Variants in AMBRA1 observed in about 807,000 individuals in gnomAD.
AMBRA1 encodes activating molecule in BECN1-regulated autophagy protein 1.
A neutral mutation model predicts 125.4 loss-of-function variants in AMBRA1; 47 were observed. The observed-to-expected ratio is 0.37, with a 90% CI of 0.30 to 0.48. The LOEUF (loss-of-function observed/expected upper bound fraction) is 0.48. Among genes scored for constraint, AMBRA1 ranks in the 20% least tolerant of loss-of-function variants. The probability of loss-of-function intolerance (pLI) is 0.99; values close to 1 mark genes in which losing one functional copy is unlikely to be tolerated. For synonymous variants in AMBRA1, 626 were observed against 655.5 expected (o/e 0.95, Z 0.69); for missense variants, 1,331 against 1,693.4 (o/e 0.79, Z 3.76).
Position 46,433,321 on chromosome 11 carries a change from G to T in AMBRA1, c.2976+153C>A, listed in dbSNP as rs117105335. Among the ~76,000 whole-genome samples, 113 of 152,332 alleles carry T rather than the reference G, an allele frequency of 7.4e-4. 2 individuals are homozygous for T. The East Asian group carries it at 0.02, about 28-fold the overall frequency. On this transcript the variant is annotated intron_variant, in intron 14 of 17. Coordinates refer to ENST00000683756, the MANE Select transcript of AMBRA1 (RefSeq NM_001387011.1). ...AGAGCTTCCACAAATGAAGCCTGCT[G>T]GTCATGGATGGGCTTGACTACAGCC...
At chr11:46,424,116 T>A (rs1792691379) in intron 14 of AMBRA1, among the ~76,000 whole-genome samples, 2 of 152,134 alleles carry the variant, frequency 1.3e-5, no homozygotes, top group Admixed American at 1.3e-4. Context: ...CAGCTTTGTT[T>A]GGAAATTTTT....
At chr11:46,401,645 G>C (rs1206286527) in intron 17 of AMBRA1, among the ~76,000 whole-genome samples, 2 of 152,176 alleles carry the variant, frequency 1.3e-5, no homozygotes, top group African/African-American at 4.8e-5. Context: ...CAGGCTCTGC[G>C]GGAGGCCCTG....
At chr11:46,441,270 T>C (rs1465090512) in intron 12 of AMBRA1, among the ~76,000 whole-genome samples, 1 of 151,982 alleles carries the variant, frequency 6.6e-6, no homozygotes, top group Non-Finnish European at 1.5e-5. Flanking sequence ...TCCCAGCACT[T>C]TGGGAGGCCG....
Position 46,543,387 on chromosome 11 carries a change from T to C in AMBRA1, c.630A>G (p.Glu210=). ...CTGTTCCATCTATGGGGATCTCTGG[T>C]TCGTCATCACCCTGCAACGTGGACC... The part of the protein sequence containing the change: ...VNPSNQQGDD[E]PEIPIDGTEL... Residue 210 remains glutamate, a synonymous_variant, in exon 7 of 18, where the codon GAA becomes GAG. Coordinates refer to ENST00000683756, the MANE Select transcript of AMBRA1 (RefSeq NM_001387011.1). The C allele has an allele frequency of 1.2e-6, 2 of 1,613,866 alleles. No individual in the cohort carries two copies. The highest frequency in any genetic ancestry group is 1.7e-6 in the Non-Finnish European group (2 of 1,179,906).
chr11:46,493,530 C>T, intron 11 of AMBRA1, 78 bp downstream of exon 11: 1 of 1,174,640 alleles, frequency 8.5e-7, no homozygotes, highest in Non-Finnish European at 1.2e-6. Context: ...ATCACATCAA[C>T]ATAGGTAAAG....
At chr11:46,461,982 TCC>T (rs1565183401) in intron 11 of AMBRA1, among the ~76,000 whole-genome samples, 12 of 152,200 alleles carry the variant, frequency 7.9e-5, no homozygotes, top group Non-Finnish European at 1.8e-4. Flanking sequence ...CTATCTAGAC[TCC>T]TTCCTCCCTG....
intron 9 of AMBRA1, among the ~76,000 whole-genome samples, chr11:46,499,104 C>T (rs1239402882): frequency 6.6e-6 from 1 of 152,238 alleles, no homozygotes; most frequent in Non-Finnish European, 1.5e-5. Flanking sequence ...CCTGGAACTA[C>T]AGAGCCTTCA....
intron 11 of AMBRA1, among the ~76,000 whole-genome samples, chr11:46,473,126 A>C (rs1949670322): frequency 6.6e-6 from 1 of 152,244 alleles, no homozygotes; most frequent in Non-Finnish European, 1.5e-5. Flanking sequence ...GGTCAACTTG[A>C]ATTTAGTGGT....
At chr11:46,510,456 AT>A (rs1951213877) in intron 8 of AMBRA1, among the ~76,000 whole-genome samples, 8 of 152,260 alleles carry the variant, frequency 5.3e-5, no homozygotes, top group Non-Finnish European at 1.0e-4. Context: ...AGAAAAGAAT[AT>A]ACAAGGAGAA....
At chr11:46,409,966 T>G (rs991666023) in intron 16 of AMBRA1, among the ~76,000 whole-genome samples, 2 of 152,218 alleles carry the variant, frequency 1.3e-5, no homozygotes, top group African/African-American at 4.8e-5. Context: ...TGGAGCAGAC[T>G]TCATGGGGCG....
At chr11:46,463,972 A>T (rs952208090) in intron 11 of AMBRA1, among the ~76,000 whole-genome samples, 9 of 152,226 alleles carry the variant, frequency 5.9e-5, no homozygotes, top group Non-Finnish European at 1.3e-4. Context: ...TCATGCTCTG[A>T]AAAGTCAGAA....
At chr11:46,478,520 T>A (rs1949914604) in intron 11 of AMBRA1, among the ~76,000 whole-genome samples, 1 of 152,190 alleles carries the variant, frequency 6.6e-6, no homozygotes, top group African/African-American at 2.4e-5. Context: ...AAAGGTAGTT[T>A]CCCTGATATC....
intron 11 of AMBRA1, among the ~76,000 whole-genome samples, chr11:46,448,841 T>G (rs1948439681): frequency 6.6e-6 from 1 of 152,184 alleles, no homozygotes; most frequent in Non-Finnish European, 1.5e-5. Flanking sequence ...TTTGAAAACC[T>G]ACATGCAATG....
intron 17 of AMBRA1, among the ~76,000 whole-genome samples, chr11:46,405,244 G>T (rs542016866): frequency 6.6e-6 from 1 of 152,306 alleles, no homozygotes; most frequent in East Asian, 1.9e-4. Flanking sequence ...CACAGGCTGG[G>T]CAAAGCCCCT....
intron 14 of AMBRA1, among the ~76,000 whole-genome samples, chr11:46,431,484 CT>C (rs1947455169): frequency 6.6e-6 from 1 of 152,220 alleles, no homozygotes; most frequent in Admixed American, 6.5e-5. Context: ...TGCTTTGTAA[CT>C]GTTTGTCTTC....
At chr11:46,566,218 A>G (rs926704851) in intron 1 of AMBRA1, among the ~76,000 whole-genome samples, 1 of 152,208 alleles carries the variant, frequency 6.6e-6, no homozygotes, top group Non-Finnish European at 1.5e-5. Context: ...CAGGAGTTCG[A>G]GACTGGTCTG....
chr11:46,516,607 G>C (rs1042115282), intron 7 of AMBRA1, among the ~76,000 whole-genome samples: 1 of 151,630 alleles, frequency 6.6e-6, no homozygotes, highest in Non-Finnish European at 1.5e-5. Context: ...ATTTCTTTTT[G>C]TATTTTTAGT....
intron 1 of AMBRA1, among the ~76,000 whole-genome samples, chr11:46,572,367 C>A (rs932470677): frequency 1.3e-5 from 2 of 152,086 alleles, no homozygotes; most frequent in African/African-American, 4.8e-5. Context: ...TAGACATAAA[C>A]CCAGGGCTCT....
At chr11:46,527,249 G>A (rs1260363404) in intron 7 of AMBRA1, among the ~76,000 whole-genome samples, 1 of 151,992 alleles carries the variant, frequency 6.6e-6, no homozygotes, top group Non-Finnish European at 1.5e-5. Flanking sequence ...GGAAGTCAAG[G>A]CGGGAGGATC....
Sources: allele counts gnomAD v4.1 joint callset (sites outside exome capture counted in the v4.1 genomes callset), GRCh38; gene constraint gnomAD v4.1.1; transcripts MANE v1.5; gene names NCBI Gene and HGNC (gene_info 2026-07-23, HGNC 2026-07-21).